The following SLC22A13 variants were observed in gnomAD, a reference collection of about 807,000 sequenced individuals.
The protein encoded by SLC22A13 is solute carrier family 22 member 13.
SLC22A13 carries 42 observed loss-of-function variants against 49.1 expected under a neutral mutation model. The observed-to-expected ratio is 0.85, with a 90% confidence interval of 0.67 to 1.11. The LOEUF (loss-of-function observed/expected upper bound fraction) is 1.11, where lower values mean the gene tolerates loss of function less well. SLC22A13 is among the 50% of genes least tolerant of loss of function. The pLI is 0.00. For missense variants in SLC22A13, 694 were observed against 712.8 expected (o/e 0.97, Z 0.30); for synonymous variants, 282 against 293.1 (o/e 0.96, Z 0.39).
rs1208374246 is a variant in SLC22A13 at position 38,266,044 on chromosome 3, C to G, written c.184C>G (p.Leu62Val). 6.2e-7 allele frequency: 1 copy of G among 1,614,224 alleles called. No homozygotes were observed. Among genetic ancestry groups the G allele is most frequent in the Non-Finnish European group, 8.5e-7 (1 of 1,180,040 alleles). Reference protein sequence around the residue: ...VAWVKNHTFNLSAAEQLVLSV... With the variant: ...VAWVKNHTFNVSAAEQLVLSV... The stretch of plus-strand genomic sequence containing the variant: ...TTGGGTGAAGAACCACACTTTCAAC[C>G]TGAGTGCTGCTGAACAGCTGGTACT... Residue 62 changes from leucine to valine, a missense_variant, in exon 1 of 10, where the codon CTG (leucine) becomes GTG (valine). Transcript: ENST00000311856.
chr3:38,271,280 A>T (rs1703516857), intron 1 of SLC22A13, among the ~76,000 whole-genome samples: 1 of 152,106 alleles, frequency 6.6e-6, no homozygotes, highest in African/African-American at 2.4e-5. Flanking sequence ...AAGAAAAAAA[A>T]TGGGCTGGGT....
chr3:38,277,246 C>T, intron 9 of SLC22A13, 119 bp downstream of exon 9: 1 of 1,107,048 alleles, frequency 9.0e-7, no homozygotes, highest in Non-Finnish European at 1.3e-6. Flanking sequence ...ATATGGGGTC[C>T]TCCAGAACCA....
At position 38,265,847 on chromosome 3, in the gene SLC22A13, A is replaced by G. The variant is rs757887267; in HGVS notation, c.-14A>G. The G allele has an allele frequency of 6.2e-7, 1 of 1,612,956 alleles. No homozygotes were observed. The highest frequency in any genetic ancestry group is 1.1e-5 in the South Asian group (1 of 90,938). ...CCTAGTGTCCCCAGGCTGAGGAGGT[A>G]GTGACTGGCATACATGGCTCAGTTT... On this transcript the variant is annotated 5_prime_UTR_variant, in exon 1 of 10. Coordinates refer to ENST00000311856, the MANE Select transcript of SLC22A13 (RefSeq NM_004256.4).
rs559847587 is a variant in SLC22A13 at position 38,272,441 on chromosome 3, A to G, written c.379-1831A>G. Among the ~76,000 whole-genome samples the G allele has an allele frequency of 4.6e-5, 7 of 152,368 alleles. No individual in the cohort carries two copies. The South Asian group carries it at 1.4e-3, about 32-fold the overall frequency. On this transcript the variant is annotated intron_variant, in intron 1 of 9. Transcript: ENST00000311856. ...ATAGCATATTTTATTCACATTTTGT[A>G]GTGGGAAACCAAGACACAGACAGAT...
chr3:38,275,630 A>AC lies in SLC22A13; in HGVS notation c.985dup (p.Gln329ProfsTer45). On this transcript the variant is annotated frameshift_variant, in exon 6 of 10. Coordinates refer to ENST00000311856, the MANE Select transcript of SLC22A13 (RefSeq NM_004256.4). LOFTEE classifies it high-confidence loss of function. ...GGGAATGCCCTGGATCTGTTCAGACACCCCCAGCTCCGGAAGGTGACCCTG... is the reference window on the plus strand; with the variant it reads ...GGGAATGCCCTGGATCTGTTCAGACACCCCCCAGCTCCGGAAGGTGACCCTG... 6.2e-7 allele frequency: 1 copy of AC among 1,613,874 alleles called. No individual in the cohort carries two copies. Among genetic ancestry groups the AC allele is most frequent in the Non-Finnish European group, 8.5e-7 (1 of 1,179,972 alleles).
chr3:38,274,832 G>A (rs916472256), intron 3 of SLC22A13, 74 bp downstream of exon 3: 8 of 1,552,444 alleles, frequency 5.2e-6, no homozygotes, highest in Non-Finnish European at 7.0e-6. Context: ...AGCCCCAAAC[G>A]GCCTGTGGAG....
At chr3:38,270,434 G>C (rs1436773687) in intron 1 of SLC22A13, 3 of 216,684 alleles carry the variant, frequency 1.4e-5, no homozygotes, top group African/African-American at 6.9e-5. Context: ...TTTGGGTCTC[G>C]ACAAGCAAGA....
At chr3:38,275,318 A>G (rs1021329308) in intron 4 of SLC22A13, 52 bp from the exon 5 acceptor site, 9 of 1,609,422 alleles carry the variant, frequency 5.6e-6, no homozygotes, top group South Asian at 1.1e-5. Context: ...AACAAGCTGG[A>G]AAGCTCCCTA....
intron 1 of SLC22A13, among the ~76,000 whole-genome samples, chr3:38,267,704 C>G (rs1377270037): frequency 2.6e-5 from 4 of 152,110 alleles, no homozygotes; most frequent in Non-Finnish European, 5.9e-5. Flanking sequence ...AAGGTCTGGG[C>G]CCCTTGCAGA....
chr3:38,274,440 C>A (rs960694154), intron 2 of SLC22A13, 65 bp downstream of exon 2: 3 of 1,456,726 alleles, frequency 2.1e-6, no homozygotes, highest in African/African-American at 2.8e-5. Flanking sequence ...AGGCCCAAGT[C>A]CCCCTTATGC....
chr3:38,275,925 G>A lies in SLC22A13; in HGVS notation c.1066G>A (p.Gly356Arg). The A allele has an allele frequency of 6.2e-7, 1 of 1,614,218 alleles. No individual in the cohort carries two copies. Among genetic ancestry groups the A allele is most frequent in the Non-Finnish European group, 8.5e-7 (1 of 1,180,026 alleles). Residue 356 changes from glycine (G) to arginine (R), a missense_variant, in exon 7 of 10, where the codon GGG becomes AGG. Transcript: ENST00000311856. ...LGYYGLSLQV[G>R]DFGLDVYLTQ... is the part of the protein sequence containing the mutation. ...GTACTACGGCCTGAGCCTCCAAGTG[G>A]GGGACTTCGGCCTGGACGTCTATCT...
In SLC22A13 at chr3:38,277,483, TG is replaced by T; in HGVS notation, c.*20del. On this transcript the variant is annotated 3_prime_UTR_variant, in exon 10 of 10. Coordinates refer to ENST00000311856, the MANE Select transcript of SLC22A13 (RefSeq NM_004256.4). ...ACTTCTGATTGAGGTCTCTAAGAGC[TG>T]GACCATCAGCAGCAGGGAGCTGCCT... 1 of 1,592,766 alleles carries T rather than the reference TG, an allele frequency of 6.3e-7. No individual in the cohort carries two copies. The highest frequency in any genetic ancestry group is 8.6e-7 in the Non-Finnish European group (1 of 1,161,760).
intron 1 of SLC22A13, 38 bp downstream of exon 1, chr3:38,266,276 G>A: frequency 6.3e-7 from 1 of 1,594,686 alleles, no homozygotes; most frequent in South Asian, 1.1e-5. Context: ...CACCGGTTGT[G>A]GGTCTGTCAG....
chr3:38,271,496 A>T (rs1310853718), intron 1 of SLC22A13, among the ~76,000 whole-genome samples: 2 of 149,354 alleles, frequency 1.3e-5, no homozygotes, highest in Non-Finnish European at 3.0e-5. Context: ...AGCTAGTAGT[A>T]AGCCGTATTC....
At chr3:38,269,921 T>C (rs1703502449) in intron 1 of SLC22A13, among the ~76,000 whole-genome samples, 1 of 130,156 alleles carries the variant, frequency 7.7e-6, no homozygotes, top group African/African-American at 2.9e-5. Context: ...CCTGTGTCCA[T>C]GTGTTCTCAT....
Position 38,276,904 on chromosome 3 carries a change from T to TC in SLC22A13, c.1347-3dup. On this transcript the variant is annotated splice_polypyrimidine_tract_variant and splice_region_variant and intron_variant, in intron 8 of 9. Coordinates refer to ENST00000311856, the MANE Select transcript of SLC22A13 (RefSeq NM_004256.4). ...AGGTCTACTTAGCTTGCCCTGGTCT[T>TC]CCCCCAGGCAGACAGGCATGGGGCT... is the stretch of plus-strand genomic sequence containing the variant. 1 of 1,611,762 alleles carries TC rather than the reference T, an allele frequency of 6.2e-7. No individual in the cohort carries two copies. Among genetic ancestry groups the TC allele is most frequent in the South Asian group, 1.1e-5 (1 of 90,702 alleles).
rs539951395 is a variant in SLC22A13, at chr3:38,266,045, T to C, written c.185T>C (p.Leu62Pro). 9.9e-6 allele frequency: 16 copies of C among 1,614,196 alleles called. No homozygotes were observed. Among genetic ancestry groups the C allele is most frequent in the Admixed American group, 3.3e-5 (2 of 60,028 alleles). ...VAWVKNHTFN[L>P]SAAEQLVLSV... ...TGGGTGAAGAACCACACTTTCAACC[T>C]GAGTGCTGCTGAACAGCTGGTACTG... The change falls in exon 1 of 10, where the codon CTG becomes CCG. Residue 62 changes from leucine to proline, a missense_variant. Leu to Pro is a moderately conservative substitution (Grantham distance 98, BLOSUM62 -3). Transcript: ENST00000311856.
At chr3:38,271,167 T>A (rs1703515878) in intron 1 of SLC22A13, among the ~76,000 whole-genome samples, 1 of 152,192 alleles carries the variant, frequency 6.6e-6, no homozygotes, top group Admixed American at 6.5e-5. Flanking sequence ...CAATACTAAT[T>A]TGAAAAGAGA....
chr3:38,266,333 C>T lies in SLC22A13; in HGVS notation c.378+95C>T. On this transcript the variant is annotated intron_variant, in intron 1 of 9. Transcript: ENST00000311856. ...CCTCAGTCACTGGCTCTGTATCTGCCCCATGCCCATATGGTCAACCATGGG... is the reference window on the plus strand; with the variant it reads ...CCTCAGTCACTGGCTCTGTATCTGCTCCATGCCCATATGGTCAACCATGGG... The T allele has an allele frequency of 5.7e-6, 8 of 1,403,872 alleles. 1 individual carries two copies. In the South Asian group the frequency reaches 1.0e-4, roughly 18 times the overall value. 87.0% of individuals were successfully genotyped at this position (1,403,872 alleles called of 1,614,324 possible).
Sources: gnomAD v4.1 joint callset for allele counts (sites outside exome capture counted in the v4.1 genomes callset) on GRCh38, gnomAD v4.1.1 for gene constraint, MANE v1.5 for transcripts, NCBI Gene and HGNC (gene_info 2026-07-23, HGNC 2026-07-21) for gene names.